The following PLCB1 variants were observed in gnomAD, a reference collection of about 807,000 sequenced individuals.
PLCB1 encodes phospholipase C beta 1.
A neutral mutation model predicts 161.8 loss-of-function variants in PLCB1; 46 were observed. The observed-to-expected ratio is 0.28, with a 90% CI of 0.22 to 0.36. PLCB1 has a LOEUF of 0.36. Ranked by LOEUF, PLCB1 falls within the 10% of genes least tolerant of loss-of-function variation. PLCB1 has a pLI of 1.00. For missense variants in PLCB1, 1,016 were observed against 1,472.5 expected (o/e 0.69, Z 5.07); for synonymous variants, 517 against 503.7 (o/e 1.03, Z -0.35).
At chr20:8,734,429 A>G (rs6056048) in intron 19 of PLCB1, among the ~76,000 whole-genome samples, 90,217 of 151,614 alleles carry the variant, frequency 0.6, 27,863 homozygotes, top group East Asian at 0.68. Flanking sequence ...AAGCTTTCAA[A>G]TTACTTTAAA....
chr20:8,815,183 G>T (rs1363856496), intron 31 of PLCB1, among the ~76,000 whole-genome samples: 1 of 152,024 alleles, frequency 6.6e-6, no homozygotes, highest in Non-Finnish European at 1.5e-5. Flanking sequence ...CAGCTGTTAT[G>T]AATTTATACA....
chr20:8,388,142 A>C (rs1276007803), intron 3 of PLCB1, among the ~76,000 whole-genome samples: 1 of 152,060 alleles, frequency 6.6e-6, no homozygotes, highest in Admixed American at 6.6e-5. Context: ...TTCTTTTTTT[A>C]TGGAGACTTC....
intron 2 of PLCB1, among the ~76,000 whole-genome samples, chr20:8,317,994 C>CTT (rs201783826): frequency 0.012 from 1,655 of 140,562 alleles, 22 homozygotes; most frequent in Middle Eastern, 0.022. Flanking sequence ...TATTTCTTTT[C>CTT]TTTTTTTTTT....
intron 3 of PLCB1, among the ~76,000 whole-genome samples, chr20:8,621,177 G>A (rs367548521): frequency 5.3e-5 from 8 of 152,180 alleles, no homozygotes; most frequent in East Asian, 1.9e-4. Flanking sequence ...ATGCTTTGTC[G>A]GGGGTTTAAA....
At chr20:8,152,616 T>C (rs1007134299) in intron 2 of PLCB1, among the ~76,000 whole-genome samples, 38 of 152,200 alleles carry the variant, frequency 2.5e-4, no homozygotes, top group African/African-American at 9.2e-4. Flanking sequence ...ACATGTACCA[T>C]AGAGATAATC....
chr20:8,810,644 A>G (rs750725283), intron 31 of PLCB1, among the ~76,000 whole-genome samples: 27 of 152,142 alleles, frequency 1.8e-4, no homozygotes, highest in Admixed American at 3.9e-4. Context: ...CCCAGGAGGT[A>G]GTTCTGGATA....
At chr20:8,459,383 C>T (rs556625738) in intron 3 of PLCB1, among the ~76,000 whole-genome samples, 1 of 152,252 alleles carries the variant, frequency 6.6e-6, no homozygotes, top group Admixed American at 6.5e-5. Context: ...AATTACTTTA[C>T]ATTTAGATCT....
intron 3 of PLCB1, among the ~76,000 whole-genome samples, chr20:8,450,662 TG>T (rs978473377): frequency 6.6e-6 from 1 of 152,204 alleles, no homozygotes; most frequent in African/African-American, 2.4e-5. Flanking sequence ...AATGAAAGCA[TG>T]ATCTCTTCTT....
At chr20:8,348,596 G>A (rs1488263561) in intron 2 of PLCB1, among the ~76,000 whole-genome samples, 3 of 152,162 alleles carry the variant, frequency 2.0e-5, no homozygotes, top group Non-Finnish European at 2.9e-5. Context: ...AGAAAAAGCT[G>A]AGACCCAAAC....
intron 3 of PLCB1, among the ~76,000 whole-genome samples, chr20:8,552,880 T>G (rs1226847057): frequency 6.6e-6 from 1 of 152,042 alleles, no homozygotes; most frequent in East Asian, 1.9e-4. Flanking sequence ...TCGAAAAGCT[T>G]TTTCAGGCTG....
At chr20:8,799,115 C>T (rs1303680840) in intron 31 of PLCB1, among the ~76,000 whole-genome samples, 1 of 152,148 alleles carries the variant, frequency 6.6e-6, no homozygotes, top group Non-Finnish European at 1.5e-5. Context: ...TTGATTCCTC[C>T]CCCTTTTCTT....
intron 31 of PLCB1, among the ~76,000 whole-genome samples, chr20:8,845,955 G>T (rs1986676727): frequency 1.3e-5 from 2 of 152,178 alleles, no homozygotes; most frequent in Non-Finnish European, 2.9e-5. Context: ...CACAGCAGGG[G>T]CTATATAATT....
chr20:8,582,357 C>T (rs528387574), intron 3 of PLCB1, among the ~76,000 whole-genome samples: 1 of 152,170 alleles, frequency 6.6e-6, no homozygotes, highest in South Asian at 2.1e-4. Context: ...CAATAGTGGC[C>T]CGTAGCCCAT....
At chr20:8,771,622 A>G (rs1019550218) in intron 26 of PLCB1, among the ~76,000 whole-genome samples, 7 of 152,100 alleles carry the variant, frequency 4.6e-5, no homozygotes, top group African/African-American at 1.4e-4. Flanking sequence ...TTGTTTTTAT[A>G]GAAGATGCAG....
At chr20:8,661,697 T>C (rs1041522662) in intron 9 of PLCB1, among the ~76,000 whole-genome samples, 1 of 151,796 alleles carries the variant, frequency 6.6e-6, no homozygotes, top group Non-Finnish European at 1.5e-5. Context: ...CAGCGCACAC[T>C]AGTCATTCAG....
intron 2 of PLCB1, among the ~76,000 whole-genome samples, chr20:8,189,717 C>G (rs1192894185): frequency 2.6e-5 from 4 of 152,006 alleles, no homozygotes; most frequent in Non-Finnish European, 5.9e-5. Context: ...TTTTCAGTCA[C>G]CCAAATTTTC....
chr20:8,305,519 A>T (rs1320261325), intron 2 of PLCB1, among the ~76,000 whole-genome samples: 3 of 152,140 alleles, frequency 2.0e-5, no homozygotes, highest in Admixed American at 6.6e-5. Flanking sequence ...TTTTGCAAAC[A>T]CACCTTGGGG....
At position 8,838,363 on chromosome 20, in the gene PLCB1, T is replaced by C. The variant is rs527662616; in HGVS notation, c.3424-43259T>C. ...ACCACTGGCTCTGAACTGACACTTATTCCAGAAGGCCCAGTATTTCACTGT... is the reference window on the plus strand; with the variant it reads ...ACCACTGGCTCTGAACTGACACTTACTCCAGAAGGCCCAGTATTTCACTGT... On this transcript the variant is annotated intron_variant, in intron 31 of 31. Coordinates refer to ENST00000338037, the MANE Select transcript of PLCB1 (RefSeq NM_015192.4). Among the ~76,000 whole-genome samples the C allele has an allele frequency of 4.6e-5, 7 of 152,322 alleles. No individual in the cohort carries two copies. In the South Asian group the frequency reaches 1.5e-3, roughly 32 times the overall value.
At chr20:8,359,280 G>T (rs867755856) in intron 2 of PLCB1, among the ~76,000 whole-genome samples, 3 of 152,194 alleles carry the variant, frequency 2.0e-5, no homozygotes, top group Middle Eastern at 3.4e-3. Flanking sequence ...TTTAAGTGAG[G>T]TTTTAATGAA....
Sources: gnomAD v4.1 joint callset for allele counts (sites outside exome capture counted in the v4.1 genomes callset) on GRCh38, gnomAD v4.1.1 for gene constraint, MANE v1.5 for transcripts, NCBI Gene and HGNC (gene_info 2026-07-23, HGNC 2026-07-21) for gene names.